Variants in ARSG observed in about 807,000 individuals in gnomAD.
The protein encoded by ARSG is arylsulfatase G.
A neutral mutation model predicts 50.5 loss-of-function variants in ARSG; 37 were observed. The ratio of observed to expected loss-of-function variants is 0.73; its 90% CI spans 0.56 to 0.96. The LOEUF is 0.96. ARSG is among the 50% of genes least tolerant of loss of function. ARSG has a pLI of 0.00. For synonymous variants in ARSG, 225 were observed against 254.6 expected (o/e 0.88, Z 1.11); for missense variants, 629 against 675.3 (o/e 0.93, Z 0.76).
At chr17:68,337,712 G>T (rs901389609) in intron 2 of ARSG, among the ~76,000 whole-genome samples, 3 of 152,132 alleles carry the variant, frequency 2.0e-5, no homozygotes, top group Non-Finnish European at 2.9e-5. Context: ...CTGTCCCCTG[G>T]ATTCCAGTGA....
chr17:68,268,127 T>A (rs2075212030), intron 1 of ARSG: 1 of 152,192 alleles, frequency 6.6e-6, no homozygotes, highest in African/African-American at 2.4e-5. Context: ...TGGCCTTTTA[T>A]GAAAGTATTT....
chr17:68,342,668 T>C (rs185395745), intron 2 of ARSG, among the ~76,000 whole-genome samples: 1 of 152,258 alleles, frequency 6.6e-6, no homozygotes, highest in East Asian at 1.9e-4. Flanking sequence ...TCCTAACACA[T>C]ACATTTTCTT....
chr17:68,403,207 T>G (rs1423182166), intron 11 of ARSG, among the ~76,000 whole-genome samples: 1 of 152,224 alleles, frequency 6.6e-6, no homozygotes, highest in Non-Finnish European at 1.5e-5. Context: ...ATTAGAGTCC[T>G]TATATTACAT....
chr17:68,328,571 A>G (rs1328811353), intron 2 of ARSG, among the ~76,000 whole-genome samples: 2 of 152,202 alleles, frequency 1.3e-5, no homozygotes, highest in Admixed American at 6.5e-5. Context: ...CAGTTCTGCT[A>G]GAGTATAAAC....
chr17:68,351,731 A>C (rs1267289730), intron 5 of ARSG, 45 bp downstream of exon 5: 1 of 1,310,384 alleles, frequency 7.6e-7, no homozygotes, highest in Admixed American at 1.7e-5. Flanking sequence ...GGACAAGGCA[A>C]AGTTCCAAGA....
intron 1 of ARSG, among the ~76,000 whole-genome samples, chr17:68,302,337 T>C (rs983248810): frequency 2.6e-5 from 4 of 152,112 alleles, no homozygotes; most frequent in Non-Finnish European, 1.5e-5. Context: ...CATCAGATGC[T>C]TTTGTCTCTG....
At chr17:68,319,345 G>A (rs952800526) in intron 2 of ARSG, among the ~76,000 whole-genome samples, 4 of 152,138 alleles carry the variant, frequency 2.6e-5, no homozygotes, top group East Asian at 1.9e-4. Flanking sequence ...TGGGACAGGC[G>A]ACTTTATGTT....
At chr17:68,321,970 A>G (rs2077302478) in intron 2 of ARSG, among the ~76,000 whole-genome samples, 1 of 152,174 alleles carries the variant, frequency 6.6e-6, no homozygotes, top group Non-Finnish European at 1.5e-5. Flanking sequence ...GGAGGGGGAA[A>G]AAAGGTGACG....
chr17:68,361,299 GAGAA>G (rs899133784), intron 6 of ARSG, among the ~76,000 whole-genome samples: 1 of 152,186 alleles, frequency 6.6e-6, no homozygotes, highest in Non-Finnish European at 1.5e-5. Context: ...ATTAAAAGAA[GAGAA>G]AGAGACTCTG....
chr17:68,446,792 G>A, the ARSG span, among the ~76,000 whole-genome samples: 1 of 152,166 alleles, frequency 6.6e-6, no homozygotes, highest in East Asian at 1.9e-4. Context: ...TAGCCCATCT[G>A]ATCTGATCTG....
At chr17:68,377,335 C>T (rs954251175) in intron 8 of ARSG, among the ~76,000 whole-genome samples, 4 of 152,198 alleles carry the variant, frequency 2.6e-5, no homozygotes, top group African/African-American at 4.8e-5. Context: ...TTGTTATACT[C>T]GACTCCTCAG....
intron 3 of ARSG, chr17:68,346,820 T>G (rs1190691857): frequency 7.4e-7 from 1 of 1,352,276 alleles, no homozygotes; most frequent in African/African-American, 1.5e-5. Context: ...GTGGGGTTGC[T>G]GTGTCTGTGG....
chr17:68,303,490 C>G (rs2076496036), intron 1 of ARSG, among the ~76,000 whole-genome samples: 1 of 151,976 alleles, frequency 6.6e-6, no homozygotes, highest in African/African-American at 2.4e-5. Flanking sequence ...ACTCTGTCAC[C>G]CAGGTTGGAG....
intron 2 of ARSG, among the ~76,000 whole-genome samples, chr17:68,335,535 C>T (rs891677717): frequency 3.6e-5 from 5 of 137,470 alleles, no homozygotes; most frequent in African/African-American, 1.4e-4. Context: ...GCCTGGGCAA[C>T]AGAGCGAGAC....
At chr17:68,407,165 A>G (rs1200261507) in intron 11 of ARSG, among the ~76,000 whole-genome samples, 1 of 152,208 alleles carries the variant, frequency 6.6e-6, no homozygotes, top group Non-Finnish European at 1.5e-5. Context: ...GCTTTGTCGA[A>G]GATCAGCTGG....
the ARSG span, chr17:68,430,228 C>T: frequency 1.3e-6 from 2 of 1,507,866 alleles, no homozygotes; most frequent in Non-Finnish European, 1.8e-6. Flanking sequence ...GGAATCTCCA[C>T]ACCCAAGCGT....
At chr17:68,377,724 A>G (rs1444460861) in intron 8 of ARSG, among the ~76,000 whole-genome samples, 2 of 152,252 alleles carry the variant, frequency 1.3e-5, no homozygotes, top group Non-Finnish European at 2.9e-5. Context: ...TTCCCCCACA[A>G]AAGGATCAGG....
chr17:68,301,366 A>G (rs1441643991), intron 1 of ARSG, among the ~76,000 whole-genome samples: 1 of 152,216 alleles, frequency 6.6e-6, no homozygotes, highest in African/African-American at 2.4e-5. Flanking sequence ...TGTCCTGGCT[A>G]TCGTGGTAAC....
At chr17:68,376,256 G>A (rs1377308669) in intron 8 of ARSG, among the ~76,000 whole-genome samples, 1 of 147,294 alleles carries the variant, frequency 6.8e-6, no homozygotes, top group African/African-American at 2.6e-5. Flanking sequence ...GACTACAGGA[G>A]TGTGCCACTG....
Sources: allele counts gnomAD v4.1 joint callset (sites outside exome capture counted in the v4.1 genomes callset), GRCh38; gene constraint gnomAD v4.1.1; transcripts MANE v1.5; gene names NCBI Gene and HGNC (gene_info 2026-07-23, HGNC 2026-07-21).